The following AUTS2 variants were observed in gnomAD, a reference collection of about 807,000 sequenced individuals.
AUTS2 encodes the protein autism susceptibility gene 2 protein.
In AUTS2, 17 loss-of-function variants were observed where a neutral mutation model predicts 112.4. That is an observed-to-expected ratio of 0.15 (90% confidence interval 0.10 to 0.23). AUTS2 has a LOEUF of 0.23. Ranked by LOEUF, AUTS2 falls within the 10% of genes least tolerant of loss-of-function variation. AUTS2 has a pLI of 1.00. For missense variants in AUTS2, 1,510 were observed against 1,701.6 expected, an observed-to-expected ratio of 0.89 and a Z score of 1.98; for synonymous variants, 751 against 702.7, an observed-to-expected ratio of 1.07 and a Z score of -1.09.
chr7:70,058,573 T>A (rs551064797), intron 2 of AUTS2, among the ~76,000 whole-genome samples: 1 of 152,156 alleles, frequency 6.6e-6, no homozygotes, highest in African/African-American at 2.4e-5. Flanking sequence ...AATTGGTAAT[T>A]TGTTTTTCAG....
rs1015601501 is a variant in AUTS2, at chr7:70,594,392, A to C, written c.691-104177A>C. Among the ~76,000 whole-genome samples the C allele has an allele frequency of 5.3e-5, 8 of 152,160 alleles. No individual in the cohort carries two copies. In the East Asian group the frequency reaches 1.5e-3, roughly 29 times the overall value. ...GGCTCAGGGATGGGCCCAATAATTT[A>C]CATTTCTGACATCTGGGTTCCTGGA... is the stretch of plus-strand genomic sequence containing the variant. On this transcript the variant is annotated intron_variant, in intron 5 of 18. Transcript: ENST00000342771.
chr7:70,491,495 CATAAT>C (rs1351200929), intron 5 of AUTS2, among the ~76,000 whole-genome samples: 5 of 146,784 alleles, frequency 3.4e-5, no homozygotes, highest in Non-Finnish European at 6.0e-5. Context: ...TATATATACA[CATAAT>C]ATATATGTTA....
chr7:70,209,806 A>T (rs1258508405), intron 4 of AUTS2, among the ~76,000 whole-genome samples: 4 of 152,152 alleles, frequency 2.6e-5, no homozygotes, highest in Non-Finnish European at 5.9e-5. Flanking sequence ...CCTAGCACCC[A>T]AGGTGTTTCT....
chr7:69,778,889 ATG>A (rs1475881968), intron 1 of AUTS2, among the ~76,000 whole-genome samples: 1 of 151,870 alleles, frequency 6.6e-6, no homozygotes, highest in Non-Finnish European at 1.5e-5. Context: ...ACAAGCTTAG[ATG>A]TGTGTGTGTT....
intron 2 of AUTS2, among the ~76,000 whole-genome samples, chr7:69,979,949 G>A (rs1554418424): frequency 2.6e-5 from 4 of 152,146 alleles, no homozygotes; most frequent in Non-Finnish European, 5.9e-5. Context: ...GTTTTTGTGT[G>A]AGTAAGTAAG....
chr7:69,705,510 A>G (rs1184265847), intron 1 of AUTS2, among the ~76,000 whole-genome samples: 4 of 152,200 alleles, frequency 2.6e-5, no homozygotes, highest in African/African-American at 7.2e-5. Flanking sequence ...TAGAATTGCT[A>G]TGTGGAAAGA....
intron 1 of AUTS2, among the ~76,000 whole-genome samples, chr7:69,783,629 G>A (rs184358014): frequency 6.6e-6 from 1 of 152,238 alleles, no homozygotes; most frequent in Admixed American, 6.5e-5. Context: ...GAAATAAAAT[G>A]AGGGCAAAGG....
At chr7:70,134,956 T>A (rs574723503) in intron 4 of AUTS2, among the ~76,000 whole-genome samples, 1 of 152,162 alleles carries the variant, frequency 6.6e-6, no homozygotes, top group Non-Finnish European at 1.5e-5. Context: ...TTGAATAACA[T>A]CTCTTCATAT....
At chr7:70,182,025 A>G (rs930648752) in intron 4 of AUTS2, among the ~76,000 whole-genome samples, 1 of 139,252 alleles carries the variant, frequency 7.2e-6, no homozygotes, top group Non-Finnish European at 1.5e-5. Context: ...GTCTCGATCG[A>G]TCTCCTGACC....
At chr7:69,799,578 T>G (rs1376910740) in intron 1 of AUTS2, among the ~76,000 whole-genome samples, 1 of 152,232 alleles carries the variant, frequency 6.6e-6, no homozygotes, top group Non-Finnish European at 1.5e-5. Context: ...CTGTTACTGT[T>G]AAATCTACAG....
intron 1 of AUTS2, among the ~76,000 whole-genome samples, chr7:69,607,538 AC>A (rs1268288925): frequency 1.2e-4 from 18 of 152,244 alleles, no homozygotes; most frequent in Admixed American, 1.2e-3. Flanking sequence ...ATTGCTTGCC[AC>A]AGTTTTCTTG....
At chr7:70,428,133 A>G (rs897245774) in intron 4 of AUTS2, among the ~76,000 whole-genome samples, 34 of 152,230 alleles carry the variant, frequency 2.2e-4, no homozygotes, top group African/African-American at 6.0e-4. Flanking sequence ...TTTCACAGTC[A>G]GTAAGAATAT....
intron 5 of AUTS2, among the ~76,000 whole-genome samples, chr7:70,614,468 G>C (rs1479493283): frequency 6.6e-6 from 1 of 152,192 alleles, no homozygotes; most frequent in Non-Finnish European, 1.5e-5. Flanking sequence ...TCACGATGGT[G>C]CTAAGTGGAG....
chr7:69,724,452 C>T (rs1006542903), intron 1 of AUTS2, among the ~76,000 whole-genome samples: 4 of 152,134 alleles, frequency 2.6e-5, no homozygotes, highest in African/African-American at 9.7e-5. Context: ...TCTCATATTT[C>T]CTTTTTTCCC....
chr7:70,714,937 G>T (rs887244311), intron 6 of AUTS2, among the ~76,000 whole-genome samples: 1 of 152,158 alleles, frequency 6.6e-6, no homozygotes, highest in African/African-American at 2.4e-5. Context: ...ACTTGCATTG[G>T]CATGTTCCCC....
intron 1 of AUTS2, among the ~76,000 whole-genome samples, chr7:69,746,613 G>T (rs1787507252): frequency 6.6e-6 from 1 of 152,140 alleles, no homozygotes; most frequent in Admixed American, 6.6e-5. Flanking sequence ...TGTCCTAAGT[G>T]GGTGCTCTTG....
In AUTS2 at chr7:69,964,752, A is replaced by G. The variant is rs150586938; in HGVS notation, c.522+65254A>G. ...GGATTGACATCTCTACTCTTTCACA[A>G]TCTTTCCTGAAGACATGATTTTTTT... On this transcript the variant is annotated intron_variant, in intron 2 of 18. Transcript: ENST00000342771. 8.3e-3 allele frequency among the ~76,000 whole-genome samples: 1,265 copies of G among 151,984 alleles called. 15 individuals are homozygous for G. The highest frequency in any genetic ancestry group is 0.014 in the Middle Eastern group (4 of 294).
chr7:69,655,374 C>A (rs1271758506), intron 1 of AUTS2, among the ~76,000 whole-genome samples: 2 of 125,720 alleles, frequency 1.6e-5, no homozygotes, highest in East Asian at 4.8e-4. Flanking sequence ...AATTACCTGA[C>A]TTTCTAGTTT....
At chr7:70,371,360 G>A (rs1175983137) in intron 4 of AUTS2, among the ~76,000 whole-genome samples, 3 of 152,168 alleles carry the variant, frequency 2.0e-5, no homozygotes, top group Non-Finnish European at 2.9e-5. Context: ...TAGAATGAAT[G>A]TATTGATTGC....
Sources: allele counts gnomAD v4.1 joint callset (sites outside exome capture counted in the v4.1 genomes callset), GRCh38; gene constraint gnomAD v4.1.1; transcripts MANE v1.5; gene names NCBI Gene and HGNC (gene_info 2026-07-23, HGNC 2026-07-21).